The following CDH11 variants were observed in gnomAD, a reference collection of about 807,000 sequenced individuals.
The protein encoded by CDH11 is cadherin 11.
CDH11 carries 11 observed loss-of-function variants against 67.8 expected under a neutral mutation model. That is an observed-to-expected ratio of 0.16 (90% confidence interval 0.10 to 0.27). The LOEUF (loss-of-function observed/expected upper bound fraction) is 0.27, where lower values mean the gene tolerates loss of function less well. Ranked by LOEUF, CDH11 falls within the 10% of genes least tolerant of loss-of-function variation. The pLI, the probability that CDH11 is intolerant of heterozygous loss-of-function variation, is 1.00. For synonymous variants in CDH11, 419 were observed against 400.0 expected (o/e 1.05, Z -0.57); for missense variants, 847 against 1,031.2 (o/e 0.82, Z 2.45).
intron 11 of CDH11, among the ~76,000 whole-genome samples, 185 bp from the exon 12 acceptor site, chr16:64,951,203 C>T (rs2142372782): frequency 6.6e-6 from 1 of 152,312 alleles, no homozygotes; most frequent in Non-Finnish European, 1.5e-5. Flanking sequence ...ACGAAACAAG[C>T]TATCTGCATT....
At chr16:65,010,038 G>A (rs879749572) in intron 2 of CDH11, among the ~76,000 whole-genome samples, 3 of 152,186 alleles carry the variant, frequency 2.0e-5, no homozygotes, top group Non-Finnish European at 4.4e-5. Context: ...AATGAAAGAC[G>A]AAAGCGCTTA....
At chr16:65,050,959 G>A (rs1021593023) in intron 2 of CDH11, among the ~76,000 whole-genome samples, 10 of 152,082 alleles carry the variant, frequency 6.6e-5, no homozygotes, top group African/African-American at 1.7e-4. Flanking sequence ...TCAAAGGGCC[G>A]ATGAAATGAA....
chr16:64,948,205 G>A, intron 12 of CDH11, 106 bp from the exon 13 acceptor site: 1 of 1,400,752 alleles, frequency 7.1e-7, no homozygotes, highest in African/African-American at 1.4e-5. Flanking sequence ...TAAATGCTCA[G>A]AACAGGAAAC....
rs780231674 is a variant in CDH11, at chr16:64,971,648, G to C, written c.1573C>G (p.Pro525Ala). ...GGGGGTAGGCTGAAGATAAATCTTG[G>C]TCCATTGGCCGTGTCATCCTTGTCA... ...ADDKDDTANG[P>A]RFIFSLPPEI... Residue 525 changes from proline (P) to alanine (A), a missense_variant, in exon 11 of 13, where the codon CCA (proline) becomes GCA (alanine). Coordinates refer to ENST00000268603, the MANE Select transcript of CDH11 (RefSeq NM_001797.4). The C allele has an allele frequency of 1.2e-6, 2 of 1,613,584 alleles. No homozygotes were observed. The highest frequency in any genetic ancestry group is 2.2e-5 in the South Asian group (2 of 90,960).
At chr16:65,003,640 T>G (rs2072979119) in intron 3 of CDH11, among the ~76,000 whole-genome samples, 1 of 152,212 alleles carries the variant, frequency 6.6e-6, no homozygotes, top group Non-Finnish European at 1.5e-5. Flanking sequence ...GTAGGTAATT[T>G]TCCAAACTCT....
intron 1 of CDH11, among the ~76,000 whole-genome samples, chr16:65,093,819 A>T (rs1260001753): frequency 6.6e-6 from 1 of 152,338 alleles, no homozygotes; most frequent in Non-Finnish European, 1.5e-5. Context: ...GCACACATTA[A>T]AAACACTAAA....
intron 11 of CDH11, among the ~76,000 whole-genome samples, chr16:64,964,916 C>T (rs2071771047): frequency 6.6e-6 from 1 of 151,954 alleles, no homozygotes; most frequent in Non-Finnish European, 1.5e-5. Flanking sequence ...TTTTATTATA[C>T]TTTAAGTTCT....
intron 11 of CDH11, among the ~76,000 whole-genome samples, chr16:64,962,818 T>C (rs1448462724): frequency 6.6e-6 from 1 of 152,112 alleles, no homozygotes; most frequent in East Asian, 1.9e-4. Flanking sequence ...GAAAAGAAAC[T>C]TCCAACTCTA....
chr16:64,988,382 A>G (rs2072543214), intron 6 of CDH11, 38 bp from the exon 7 acceptor site: 1 of 1,535,982 alleles, frequency 6.5e-7, no homozygotes, highest in Non-Finnish European at 8.8e-7. Flanking sequence ...TTTCTCTTTT[A>G]TTTGGCAGCT....
chr16:65,099,516 A>C (rs1389541711), intron 1 of CDH11, among the ~76,000 whole-genome samples: 4 of 152,158 alleles, frequency 2.6e-5, no homozygotes, highest in Non-Finnish European at 4.4e-5. Flanking sequence ...AGTGGCAGAA[A>C]GATCATTCTC....
chr16:64,977,450 G>A (rs375963736), intron 8 of CDH11, among the ~76,000 whole-genome samples: 4 of 152,256 alleles, frequency 2.6e-5, no homozygotes, highest in South Asian at 4.1e-4. Flanking sequence ...GTGTTTTTAC[G>A]TCACAGTCAC....
Position 64,945,663 on chromosome 16 carries a change from T to C in CDH11, c.*1940A>G. ...TTCACTGAGATGAAAGATTCTAAAGTGACATTGTCCACAAAATGTATTCCA... is the reference window on the plus strand; with the variant it reads ...TTCACTGAGATGAAAGATTCTAAAGCGACATTGTCCACAAAATGTATTCCA... On this transcript the variant is annotated 3_prime_UTR_variant, in exon 13 of 13. Transcript: ENST00000268603. 1 of 1,037,810 alleles carries C rather than the reference T, an allele frequency of 9.6e-7. No individual in the cohort carries two copies. The allele number at this position is 1,037,810 out of a possible 1,614,324, so 64.3% of individuals were successfully genotyped here. A position where few individuals can be genotyped will look rare whatever the true frequency, so the allele number is the denominator to read the frequency against.
At chr16:64,949,812 C>A (rs1191971143) in intron 12 of CDH11, among the ~76,000 whole-genome samples, 1 of 152,178 alleles carries the variant, frequency 6.6e-6, no homozygotes, top group Admixed American at 6.5e-5. Context: ...TTCATGCATA[C>A]TTTCCTTGAC....
chr16:64,950,098 G>C (rs527324722), intron 12 of CDH11, among the ~76,000 whole-genome samples: 1 of 152,258 alleles, frequency 6.6e-6, no homozygotes, highest in African/African-American at 2.4e-5. Flanking sequence ...ATCTTCCTGA[G>C]GCCCAGCAAT....
chr16:65,025,165 T>C (rs1255635461), intron 2 of CDH11, among the ~76,000 whole-genome samples: 2 of 152,156 alleles, frequency 1.3e-5, no homozygotes, highest in East Asian at 1.9e-4. Context: ...TTTCCTTTTA[T>C]GAAAAAAACA....
chr16:65,116,763 GAGA>G (rs1332516555), intron 1 of CDH11, among the ~76,000 whole-genome samples: 188 of 152,260 alleles, frequency 1.2e-3, no homozygotes, highest in Non-Finnish European at 1.3e-3. Flanking sequence ...GATAGAGAGA[GAGA>G]GAGAGAGGTA....
At chr16:65,109,535 C>T (rs762161570) in intron 1 of CDH11, among the ~76,000 whole-genome samples, 38 of 152,200 alleles carry the variant, frequency 2.5e-4, no homozygotes, top group Non-Finnish European at 4.9e-4. Flanking sequence ...AGAAGGTGTG[C>T]AGACTGTCCC....
chr16:64,984,941 G>A (rs1240436496), intron 7 of CDH11: 1 of 152,136 alleles, frequency 6.6e-6, no homozygotes, highest in Non-Finnish European at 1.5e-5. Flanking sequence ...TTAAAACAGG[G>A]AATATTAAAA....
chr16:65,032,353 G>T (rs1471258924), intron 2 of CDH11, among the ~76,000 whole-genome samples: 3 of 151,276 alleles, frequency 2.0e-5, no homozygotes, highest in Non-Finnish European at 4.4e-5. Context: ...ATCCAGGCAT[G>T]GGGGTGGCAT....
Sources: gnomAD v4.1 joint callset for allele counts (sites outside exome capture counted in the v4.1 genomes callset) on GRCh38, gnomAD v4.1.1 for gene constraint, MANE v1.5 for transcripts, NCBI Gene and HGNC (gene_info 2026-07-23, HGNC 2026-07-21) for gene names.